Variants in INTS10 observed in about 807,000 individuals in gnomAD.
INTS10 encodes chromosome 8 open reading frame 35.
INTS10 carries 44 observed loss-of-function variants against 94.4 expected under a neutral mutation model. The ratio of observed to expected loss-of-function variants is 0.47; its 90% confidence interval spans 0.37 to 0.60. The LOEUF is 0.60. Ranked by LOEUF, INTS10 falls within the 20% of genes least tolerant of loss-of-function variation. The pLI is 0.00. For synonymous variants in INTS10, 341 were observed against 320.7 expected, an observed-to-expected ratio of 1.06 and a Z score of -0.68; for missense variants, 797 against 868.7, an observed-to-expected ratio of 0.92 and a Z score of 1.04.
At position 19,828,724 on chromosome 8, in the gene INTS10, T is replaced by G. The variant is rs76484378; in HGVS notation, c.1141-1682T>G. ...AGTACCTGGCAGATACGGTTGTGGT[T>G]TTTTTTTTTTTTGGTGGAGACAAGG... On this transcript the variant is annotated intron_variant, in intron 9 of 16. Transcript: ENST00000397977. Among the ~76,000 whole-genome samples, 131 of 148,230 alleles carry G rather than the reference T, an allele frequency of 8.8e-4. 1 individual carries two copies. Among genetic ancestry groups the G allele is most frequent in the African/African-American group, 2.8e-3 (116 of 40,752 alleles).
At chr8:19,819,472 C>A in intron 2 of INTS10, 101 bp from the exon 3 acceptor site, 2 of 800,718 alleles carry the variant, frequency 2.5e-6, no homozygotes, top group Non-Finnish European at 3.9e-6. Context: ...TAAGCATTCA[C>A]TTGGAATAAA....
In INTS10 at chr8:19,844,208, C is replaced by T; in HGVS notation, c.1852C>T (p.Gln618Ter). The change falls in exon 15 of 17, where the codon CAA becomes TAA. Residue 618 changes from glutamine (Q) to a stop codon, truncating the protein, a stop_gained. Transcript: ENST00000397977. LOFTEE classifies it high-confidence loss of function. ...TAAAATTTGCCAACAAGGAAATTTC[C>T]AATATGAGAATTTTTTCAATTACGT... is the stretch of plus-strand genomic sequence containing the variant. ...VNKICQQGNFQYENFFNYVTN... is the reference protein window; with the variant it reads ...VNKICQQGNF The T allele has an allele frequency of 6.2e-7, 1 of 1,612,430 alleles. No individual in the cohort carries two copies. The highest frequency in any genetic ancestry group is 8.5e-7 in the Non-Finnish European group (1 of 1,178,644).
Position 19,851,636 on chromosome 8 carries a change from T to G in INTS10, c.1977-13T>G. 6.2e-7 allele frequency: 1 copy of G among 1,614,074 alleles called. No homozygotes were observed. The highest frequency in any genetic ancestry group is 8.5e-7 in the Non-Finnish European group (1 of 1,179,946). On this transcript the variant is annotated splice_polypyrimidine_tract_variant and intron_variant, in intron 16 of 16. Transcript: ENST00000397977. The surrounding 1 kb of genome is among the most constrained non-coding windows in gnomAD (Gnocchi z 5.0). ...CCCCTGGTCTTTGTCTGTTTCCCTA[T>G]TGCTGACCTCAGGCACCACACTGTA...
At chr8:19,841,457 G>C (rs1360194344) in intron 13 of INTS10, among the ~76,000 whole-genome samples, 1 of 152,124 alleles carries the variant, frequency 6.6e-6, no homozygotes, top group Non-Finnish European at 1.5e-5. Flanking sequence ...AGCTCCTTCA[G>C]ACCAATAGGA....
At chr8:19,818,092 G>A in intron 1 of INTS10, 183 bp from the exon 2 acceptor site, 1 of 635,800 alleles carries the variant, frequency 1.6e-6, no homozygotes, top group Non-Finnish European at 2.8e-6. Flanking sequence ...GAGATTGCAG[G>A]TGAACCCCAG....
At chr8:19,822,576 G>A (rs2066462919) in intron 5 of INTS10, 56 bp downstream of exon 5, 2 of 1,118,776 alleles carry the variant, frequency 1.8e-6, no homozygotes, top group Non-Finnish European at 2.7e-6. Context: ...GCTGGGGTAA[G>A]TGTTGGTTCA....
In INTS10 at chr8:19,817,434, C is replaced by G. The variant is rs1403601185; in HGVS notation, c.-104C>G. The G allele has an allele frequency of 2.4e-5, 35 of 1,476,916 alleles. No homozygotes were observed. The highest frequency in any genetic ancestry group is 3.0e-5 in the Non-Finnish European group (33 of 1,105,882). The allele number at this position is 1,476,916 out of a possible 1,614,324, so 91.5% of individuals were successfully genotyped here. On this transcript the variant is annotated 5_prime_UTR_variant, in exon 1 of 17. Transcript: ENST00000397977. The stretch of plus-strand genomic sequence containing the variant: ...CGCCTCCAGACATGCGCAGTAGCCT[C>G]CCCCGCGGTGGCGGCGGCGGCGGCG...
At chr8:19,825,027 T>C in intron 8 of INTS10, 55 bp downstream of exon 8, 2 of 1,443,390 alleles carry the variant, frequency 1.4e-6, no homozygotes, top group South Asian at 2.3e-5. Context: ...GTGGGGATGG[T>C]AAGGAAAATG....
At position 19,849,891 on chromosome 8, in the gene INTS10, A is replaced by G. The variant is rs542152939; in HGVS notation, c.1977-1758A>G. On this transcript the variant is annotated intron_variant, in intron 16 of 16. Transcript: ENST00000397977. This position sits in a 1 kb window ranked among gnomAD's most constrained non-coding sequence, Gnocchi z 4.6. ...ATAATTGAATTGTGCCACTCTTTATATATGGAGATAATACAAATTGGACCC... is the reference window on the plus strand; with the variant it reads ...ATAATTGAATTGTGCCACTCTTTATGTATGGAGATAATACAAATTGGACCC... Among the ~76,000 whole-genome samples, 34 of 152,300 alleles carry G rather than the reference A, an allele frequency of 2.2e-4. No individual in the cohort carries two copies. The highest frequency in any genetic ancestry group is 4.3e-4 in the Non-Finnish European group (29 of 68,020).
At position 19,826,536 on chromosome 8, in the gene INTS10, G is replaced by C. The variant is rs375905187; in HGVS notation, c.1117G>C (p.Ala373Pro). 21 of 1,612,070 alleles carry C rather than the reference G, an allele frequency of 1.3e-5. No individual in the cohort carries two copies. Among genetic ancestry groups the C allele is most frequent in the South Asian group, 7.7e-5 (7 of 90,540 alleles). Residue 373 changes from alanine (A) to proline (P), a missense_variant, in exon 9 of 17, where the codon GCT becomes CCT. By Grantham distance (27) the Ala-to-Pro change is conservative. Around this residue, in one of 3 missense-constraint regions of INTS10, gnomAD observed 734 missense variants for 787.8 expected, o/e 0.93. Coordinates refer to ENST00000397977, the MANE Select transcript of INTS10 (RefSeq NM_018142.4). ...NKHIHKKRKL[A>P]EGREKTMSSD... ...ACACATCCATAAAAAGAGGAAACTA[G>C]CTGAAGGAAGAGAAAAAACCATGGT...
intron 12 of INTS10, among the ~76,000 whole-genome samples, chr8:19,834,583 C>G (rs1237992926): frequency 6.6e-6 from 1 of 152,192 alleles, no homozygotes; most frequent in Non-Finnish European, 1.5e-5. Context: ...ACAAGACAGA[C>G]TTGTCTAACT....
intron 13 of INTS10, among the ~76,000 whole-genome samples, chr8:19,839,002 G>A (rs954574521): frequency 6.6e-6 from 1 of 152,024 alleles, no homozygotes; most frequent in Non-Finnish European, 1.5e-5. Context: ...AACCCGGGAG[G>A]CGGAGGTTGC....
intron 13 of INTS10, 51 bp from the exon 14 acceptor site, chr8:19,842,797 G>A (rs751320200): frequency 1.6e-6 from 2 of 1,247,770 alleles, no homozygotes; most frequent in South Asian, 1.3e-5. Context: ...TTTCAAAGCT[G>A]TTATCTTTGA....
At chr8:19,822,569 G>A (rs1260359421) in intron 5 of INTS10, 49 bp downstream of exon 5, 9 of 1,178,020 alleles carry the variant, frequency 7.6e-6, no homozygotes, top group South Asian at 1.3e-5. Flanking sequence ...TTAATATGCT[G>A]GGGTAAGTGT....
At position 19,831,753 on chromosome 8, in the gene INTS10, G is replaced by A. The variant is rs566807019; in HGVS notation, c.1295-275G>A. Among the ~76,000 whole-genome samples the A allele has an allele frequency of 4.6e-5, 7 of 152,262 alleles. 1 individual carries two copies. The South Asian group carries it at 1.5e-3, about 32-fold the overall frequency. ...AAGCAAAGTGGCTTAAAAGATAAAT[G>A]AGGAAATACATGAAAAGCACTTTAA... On this transcript the variant is annotated intron_variant, in intron 10 of 16. Transcript: ENST00000397977.
At position 19,843,075 on chromosome 8, in the gene INTS10, TTAAC is replaced by T. The variant is rs2068268761; in HGVS notation, c.1719+149_1719+152del. 10 of 607,544 alleles carry T rather than the reference TTAAC, an allele frequency of 1.6e-5. No homozygotes were observed. The South Asian group carries it at 2.0e-4, about 12-fold the overall frequency. 37.6% of individuals were successfully genotyped at this position (607,544 alleles called of 1,614,324 possible). A position where few individuals can be genotyped will look rare whatever the true frequency, so the allele number is the denominator to read the frequency against. On this transcript the variant is annotated intron_variant, in intron 14 of 16. Coordinates refer to ENST00000397977, the MANE Select transcript of INTS10 (RefSeq NM_018142.4). This position sits in a 1 kb window ranked among gnomAD's most constrained non-coding sequence, Gnocchi z 4.7. ...GTTAGAAAAGCACATGGGCTACTAATTAACAAATCTATATTAAATAATGACTGCG... is the reference window on the plus strand; with the variant it reads ...GTTAGAAAAGCACATGGGCTACTAATAAATCTATATTAAATAATGACTGCG...
chr8:19,844,503 A>G (rs1347812956), intron 15 of INTS10, among the ~76,000 whole-genome samples: 1 of 152,236 alleles, frequency 6.6e-6, no homozygotes, highest in East Asian at 1.9e-4. Flanking sequence ...AAATGCCTCC[A>G]GTAATAGCCT....
chr8:19,839,491 G>A (rs2067943663), intron 13 of INTS10, among the ~76,000 whole-genome samples: 1 of 152,058 alleles, frequency 6.6e-6, no homozygotes, highest in Non-Finnish European at 1.5e-5. Context: ...CTTGAGCCCA[G>A]GAGCCCAAAC....
intron 9 of INTS10, 152 bp from the exon 10 acceptor site, chr8:19,830,254 A>C: frequency 3.8e-6 from 2 of 528,974 alleles, no homozygotes; most frequent in African/African-American, 3.9e-5. Context: ...TTAATTTTCA[A>C]AGCTAAATTG....
Sources: gnomAD v4.1 joint callset for allele counts (sites outside exome capture counted in the v4.1 genomes callset) on GRCh38, gnomAD v4.1.1 for gene constraint, gnomAD v4.1.1 regional missense constraint, Gnocchi (gnomAD v3.1) non-coding constraint, MANE v1.5 for transcripts, NCBI Gene and HGNC (gene_info 2026-07-23, HGNC 2026-07-21) for gene names.